The following CRYBG2 variants were observed in gnomAD, a reference collection of about 807,000 sequenced individuals.
The protein encoded by CRYBG2 is beta/gamma crystallin domain-containing protein 2.
In CRYBG2, 106 loss-of-function variants were observed where a neutral mutation model predicts 153.4. The observed-to-expected ratio is 0.69, with a 90% confidence interval of 0.59 to 0.81. The LOEUF (loss-of-function observed/expected upper bound fraction) is 0.81, where lower values mean the gene tolerates loss of function less well. Ranked by LOEUF, CRYBG2 falls within the 30% of genes least tolerant of loss-of-function variation. CRYBG2 has a pLI of 0.00. For missense variants in CRYBG2, 1,996 were observed against 2,112.0 expected (o/e 0.95, Z 1.08); for synonymous variants, 851 against 877.8 (o/e 0.97, Z 0.54).
chr1:26,329,755 T>G (rs2073977262), intron 15 of CRYBG2, among the ~76,000 whole-genome samples: 1 of 151,928 alleles, frequency 6.6e-6, no homozygotes, highest in South Asian at 2.1e-4. Context: ...TTATTTACTT[T>G]ATTTTTTTGA....
In CRYBG2 at chr1:26,344,693, A is replaced by G; in HGVS notation, c.1965T>C (p.Leu655=). 6.5e-7 allele frequency: 1 copy of G among 1,533,106 alleles called. No individual in the cohort carries two copies. Among genetic ancestry groups the G allele is most frequent in the Non-Finnish European group, 8.7e-7 (1 of 1,144,914 alleles). 95.0% of individuals were successfully genotyped at this position (1,533,106 alleles called of 1,614,324 possible). A position where few individuals can be genotyped will look rare whatever the true frequency, so the allele number is the denominator to read the frequency against. The change falls in exon 2 of 20, where the codon CTT becomes CTC. Residue 655 remains leucine, a synonymous_variant. Transcript: ENST00000308182. ...KEAVQGIAGS[L]APPLTKEETV... is the part of the protein sequence containing the mutation. ...TCTCTTCCTTGGTGAGGGGCGGGGC[A>G]AGGCTGCCTGCAATACCCTGGACAG...
chr1:26,330,687 C>T (rs1245447753), intron 15 of CRYBG2, among the ~76,000 whole-genome samples: 2 of 151,940 alleles, frequency 1.3e-5, no homozygotes, highest in East Asian at 1.9e-4. Context: ...TACAGACGTG[C>T]ACCACCACAC....
Position 26,344,418 on chromosome 1 carries a change from G to C in CRYBG2, c.2240C>G (p.Thr747Arg), listed in dbSNP as rs904727714. The change falls in exon 2 of 20, where the codon ACG becomes AGG. Residue 747 changes from threonine (T) to arginine (R), a missense_variant. By Grantham distance (71) the Thr-to-Arg change is moderately conservative. Coordinates refer to ENST00000308182, the MANE Select transcript of CRYBG2 (RefSeq NM_001039775.4). Reference sequence around the variant, plus strand: ...CTCCTCCCTTGATGTCTCTGTGCACGTCTTGCCCTCGGTGGGATCAGAGAC... The same window carrying C: ...CTCCTCCCTTGATGTCTCTGTGCACCTCTTGCCCTCGGTGGGATCAGAGAC... ...QLVSDPTEGK[T>R]CTETSREEDE... The C allele has an allele frequency of 2.6e-6, 4 of 1,524,134 alleles. No homozygotes were observed. The highest frequency in any genetic ancestry group is 3.5e-6 in the Non-Finnish European group (4 of 1,132,524). The allele number at this position is 1,524,134 out of a possible 1,614,324, so 94.4% of individuals were successfully genotyped here.
At chr1:26,337,232 G>A in intron 10 of CRYBG2, 21 bp downstream of exon 10, 1 of 1,613,554 alleles carries the variant, frequency 6.2e-7, no homozygotes, top group Non-Finnish European at 8.5e-7. Flanking sequence ...GCAGAGGGAT[G>A]GGCCAATTGC....
rs1257210602 is a variant in CRYBG2, at chr1:26,344,340, C to A, written c.2318G>T (p.Ser773Ile). The part of the protein sequence containing the change: ...DLEIFLDTLR[S>I]MEPPEILRTH... ...GCGGAGGATCTCAGGGGGCTCCATG[C>A]TCCGCAGCGTATCCAGGAATATCTC... Residue 773 changes from serine (S) to isoleucine (I), a missense_variant, in exon 2 of 20, where the codon AGC becomes ATC. Transcript: ENST00000308182. 6.7e-7 allele frequency: 1 copy of A among 1,503,110 alleles called. No individual in the cohort carries two copies. Among genetic ancestry groups the A allele is most frequent in the Admixed American group, 2.2e-5 (1 of 44,598 alleles). 93.1% of individuals were successfully genotyped at this position (1,503,110 alleles called of 1,614,324 possible). A position where few individuals can be genotyped will look rare whatever the true frequency, so the allele number is the denominator to read the frequency against.
chr1:26,344,683 G>C lies in CRYBG2; in HGVS notation c.1975C>G (p.Leu659Val). The change falls in exon 2 of 20, where the codon CTC becomes GTC. Residue 659 changes from leucine to valine, a missense_variant. Leu to Val is a conservative substitution (Grantham distance 32). Transcript: ENST00000308182. The stretch of plus-strand genomic sequence containing the variant: ...CCTTGAACAGTCTCTTCCTTGGTGA[G>C]GGGCGGGGCAAGGCTGCCTGCAATA... ...QGIAGSLAPPLTKEETVQGPI... is the reference protein window; with the variant it reads ...QGIAGSLAPPVTKEETVQGPI... The C allele has an allele frequency of 6.5e-7, 1 of 1,533,192 alleles. No homozygotes were observed. Among genetic ancestry groups the C allele is most frequent in the Non-Finnish European group, 8.7e-7 (1 of 1,144,938 alleles). The allele number at this position is 1,533,192 out of a possible 1,614,324, so 95.0% of individuals were successfully genotyped here.
At chr1:26,333,275 A>AC (rs2074020150) in intron 14 of CRYBG2, among the ~76,000 whole-genome samples, 1 of 152,248 alleles carries the variant, frequency 6.6e-6, no homozygotes, top group African/African-American at 2.4e-5. Flanking sequence ...CCTTAAAAGA[A>AC]GAGGAAGAGG....
chr1:26,352,898 G>A (rs997902578), intron 1 of CRYBG2, among the ~76,000 whole-genome samples: 2 of 151,596 alleles, frequency 1.3e-5, no homozygotes, highest in African/African-American at 4.9e-5. Flanking sequence ...TCCTTGGCAC[G>A]GAAGCAGTCA....
In CRYBG2 at chr1:26,325,282, G is replaced by T. The variant is rs1443989405; in HGVS notation, c.4579-972C>A. Among the ~76,000 whole-genome samples the T allele has an allele frequency of 6.6e-6, 1 of 152,242 alleles. No homozygotes were observed. The highest frequency in any genetic ancestry group is 1.5e-5 in the Non-Finnish European group (1 of 68,050). On this transcript the variant is annotated intron_variant, in intron 17 of 19. Transcript: ENST00000308182. This position sits in a 1 kb window ranked among gnomAD's most constrained non-coding sequence, Gnocchi z 4.1. The stretch of plus-strand genomic sequence containing the variant: ...CAGTCATAAATGCAATCCCGGCCGG[G>T]CGCGGAGGCTCACGCCTGTAATCCC...
chr1:26,328,667 A>T, intron 16 of CRYBG2, 67 bp downstream of exon 16: 3 of 1,538,642 alleles, frequency 1.9e-6, no homozygotes, highest in Non-Finnish European at 2.6e-6. Flanking sequence ...GACCCCCAGG[A>T]TCTCTGTCTT....
At chr1:26,352,574 C>G (rs1415848144) in intron 1 of CRYBG2, among the ~76,000 whole-genome samples, 1 of 152,140 alleles carries the variant, frequency 6.6e-6, no homozygotes, top group African/African-American at 2.4e-5. Context: ...ATTTGCCAAT[C>G]TTGGCCCAGA....
chr1:26,332,317 A>G (rs2074006506), intron 14 of CRYBG2, among the ~76,000 whole-genome samples: 1 of 151,642 alleles, frequency 6.6e-6, no homozygotes, highest in Non-Finnish European at 1.5e-5. Flanking sequence ...AAAAAAAAAA[A>G]AAAAAAAGAA....
Position 26,336,747 on chromosome 1 carries a change from G to T in CRYBG2, c.3912-15C>A. The T allele has an allele frequency of 6.3e-7, 1 of 1,581,068 alleles. No individual in the cohort carries two copies. The highest frequency in any genetic ancestry group is 2.3e-5 in the East Asian group (1 of 43,138). On this transcript the variant is annotated splice_polypyrimidine_tract_variant and intron_variant, in intron 11 of 19. Transcript: ENST00000308182. The surrounding 1 kb of genome is among the most constrained non-coding windows in gnomAD (Gnocchi z 4.9). ...AGGCCACCCACCTGCAGGAAGGGCG[G>T]GGCGCGAGTCAGCTGGGACGGAGCC... is the stretch of plus-strand genomic sequence containing the variant.
At chr1:26,333,939 CT>C (rs2074025816) in intron 14 of CRYBG2, among the ~76,000 whole-genome samples, 1 of 152,178 alleles carries the variant, frequency 6.6e-6, no homozygotes, top group Non-Finnish European at 1.5e-5. Flanking sequence ...CCATCTCAGC[CT>C]CCTGAGTAGG....
Position 26,336,443 on chromosome 1 carries a change from C to T in CRYBG2, c.4039-73G>A. 6.3e-7 allele frequency: 1 copy of T among 1,578,140 alleles called. No homozygotes were observed. The highest frequency in any genetic ancestry group is 8.6e-7 in the Non-Finnish European group (1 of 1,162,014). On this transcript the variant is annotated intron_variant, in intron 12 of 19. Transcript: ENST00000308182. This position sits in a 1 kb window ranked among gnomAD's most constrained non-coding sequence, Gnocchi z 4.9. ...GCCTTGTCTTCTCTAGGTTTCAGTA[C>T]CGTCCACCCCGCGGCCGCGCCCTCG... is the stretch of plus-strand genomic sequence containing the variant.
At chr1:26,347,392 C>T (rs141724218) in intron 1 of CRYBG2, among the ~76,000 whole-genome samples, 1,608 of 148,574 alleles carry the variant, frequency 0.011, 35 homozygotes, top group African/African-American at 0.038. Flanking sequence ...CTCCTGGGCT[C>T]AAGTGATCCT....
Position 26,336,701 on chromosome 1 carries a change from C to T in CRYBG2, c.3943G>A (p.Gly1315Arg), listed in dbSNP as rs1417606281. ...WVAYQEVGFSGEQYVLEKGVY... is the reference protein window; with the variant it reads ...WVAYQEVGFSREQYVLEKGVY... ...CCCTTCTCCAGCACGTACTGTTCCC[C>T]GGAGAAGCCCACCTCCTGGTAGGCC... is the stretch of plus-strand genomic sequence containing the variant. The change falls in exon 12 of 20, where the codon GGG becomes AGG. Residue 1315 changes from glycine (G) to arginine (R), a missense_variant. Transcript: ENST00000308182. This position sits in a 1 kb window ranked among gnomAD's most constrained non-coding sequence, Gnocchi z 4.9. 2 of 1,574,482 alleles carry T rather than the reference C, an allele frequency of 1.3e-6. No homozygotes were observed. The highest frequency in any genetic ancestry group is 1.8e-5 in the Admixed American group (1 of 54,402).
intron 1 of CRYBG2, among the ~76,000 whole-genome samples, chr1:26,352,396 A>G (rs989039545): frequency 2.0e-5 from 3 of 152,134 alleles, no homozygotes; most frequent in Non-Finnish European, 4.4e-5. Context: ...ACAGTGACAC[A>G]CACGTGCACA....
chr1:26,324,124 G>A (rs2073891923), intron 18 of CRYBG2, 28 bp downstream of exon 18: 16 of 1,604,422 alleles, frequency 1.0e-5, no homozygotes, highest in Non-Finnish European at 1.2e-5. Flanking sequence ...GGGCCAGGGT[G>A]TCCCTGTGCC....
Sources: gnomAD v4.1 joint callset for allele counts (sites outside exome capture counted in the v4.1 genomes callset) on GRCh38, gnomAD v4.1.1 for gene constraint, Gnocchi (gnomAD v3.1) non-coding constraint, MANE v1.5 for transcripts, NCBI Gene and HGNC (gene_info 2026-07-23, HGNC 2026-07-21) for gene names.